Variants in ZMAT4 observed in about 807,000 individuals in gnomAD.
ZMAT4 encodes zinc finger matrin-type protein 4.
ZMAT4 carries 17 observed loss-of-function variants against 28.7 expected under a neutral mutation model. The ratio of observed to expected loss-of-function variants is 0.59; its 90% CI spans 0.41 to 0.89. The LOEUF (loss-of-function observed/expected upper bound fraction) is 0.89, where lower values mean the gene tolerates loss of function less well. Among genes scored for constraint, ZMAT4 ranks in the 40% least tolerant of loss-of-function variants. The pLI is 0.00. For missense variants in ZMAT4, 240 were observed against 283.8 expected, an observed-to-expected ratio of 0.85 and a Z score of 1.11; for synonymous variants, 117 against 109.2, an observed-to-expected ratio of 1.07 and a Z score of -0.44.
At chr8:40,613,859 G>A (rs1261822684) in intron 5 of ZMAT4, among the ~76,000 whole-genome samples, 1 of 152,210 alleles carries the variant, frequency 6.6e-6, no homozygotes, top group Non-Finnish European at 1.5e-5. Context: ...ACTCAAGCTG[G>A]AAGTGTGGGA....
chr8:40,849,617 G>A (rs1817030256), intron 1 of ZMAT4, among the ~76,000 whole-genome samples: 1 of 152,088 alleles, frequency 6.6e-6, no homozygotes, highest in South Asian at 2.1e-4. Context: ...GAAAAGGGTG[G>A]GGAGAGAAGA....
At chr8:40,854,930 C>T (rs1176747136) in intron 1 of ZMAT4, among the ~76,000 whole-genome samples, 1 of 148,862 alleles carries the variant, frequency 6.7e-6, no homozygotes, top group Admixed American at 6.7e-5. Flanking sequence ...TTATTGTTTT[C>T]ACACACACAC....
intron 2 of ZMAT4, among the ~76,000 whole-genome samples, chr8:40,786,194 C>G (rs77367111): frequency 2.0e-5 from 3 of 152,268 alleles, no homozygotes; most frequent in Non-Finnish European, 4.4e-5. Flanking sequence ...TGTGTTGATT[C>G]TAAGTCACAT....
At chr8:40,817,541 G>A (rs1174897767) in intron 2 of ZMAT4, among the ~76,000 whole-genome samples, 1 of 152,218 alleles carries the variant, frequency 6.6e-6, no homozygotes, top group Non-Finnish European at 1.5e-5. Context: ...CAGGATACTA[G>A]CTTTGCTGTG....
rs563613929 is a variant in ZMAT4, at chr8:40,893,627, G to T, written c.-5+4056C>A. On this transcript the variant is annotated intron_variant, in intron 1 of 6. Transcript: ENST00000297737. ...TGCCTCTGCCCAATCCCACTAGCAG[G>T]TGCCTGGAATTTGACTGTGCACATC... 6.6e-5 allele frequency among the ~76,000 whole-genome samples: 10 copies of T among 152,284 alleles called. No individual in the cohort carries two copies. The South Asian group carries it at 1.7e-3, about 25-fold the overall frequency.
At chr8:40,574,373 A>G (rs181767402) in intron 6 of ZMAT4, among the ~76,000 whole-genome samples, 1 of 152,174 alleles carries the variant, frequency 6.6e-6, no homozygotes, top group African/African-American at 2.4e-5. Context: ...GTATCTAATA[A>G]TATACTTTGA....
intron 3 of ZMAT4, among the ~76,000 whole-genome samples, chr8:40,747,243 T>C (rs187240901): frequency 6.6e-6 from 1 of 152,318 alleles, no homozygotes; most frequent in East Asian, 1.9e-4. Context: ...AGCTTTTAAA[T>C]CACATGCTAT....
At chr8:40,560,930 T>C (rs771999315) in intron 6 of ZMAT4, among the ~76,000 whole-genome samples, 3 of 152,148 alleles carry the variant, frequency 2.0e-5, no homozygotes, top group Non-Finnish European at 4.4e-5. Context: ...GGTCTTTATG[T>C]ATGTCTCGCA....
At chr8:40,832,230 C>G (rs1480417352) in intron 1 of ZMAT4, among the ~76,000 whole-genome samples, 1 of 152,180 alleles carries the variant, frequency 6.6e-6, no homozygotes, top group East Asian at 1.9e-4. Context: ...ATGCTGGGGC[C>G]TGAAGAGCCT....
At chr8:40,774,684 A>G (rs113104705) in intron 2 of ZMAT4, among the ~76,000 whole-genome samples, 2 of 8,150 alleles carry the variant, frequency 2.5e-4, no homozygotes. Flanking sequence ...TGACATAGAA[A>G]TATATATATA....
At chr8:40,555,732 T>A (rs908078356) in intron 6 of ZMAT4, among the ~76,000 whole-genome samples, 1 of 152,118 alleles carries the variant, frequency 6.6e-6, no homozygotes, top group African/African-American at 2.4e-5. Context: ...GATTGATCAT[T>A]TACAGCATGA....
intron 1 of ZMAT4, among the ~76,000 whole-genome samples, chr8:40,862,572 A>T (rs1270012453): frequency 9.7e-6 from 1 of 103,510 alleles, no homozygotes; most frequent in African/African-American, 3.7e-5. Flanking sequence ...GAGTATAATA[A>T]AAAAAAAAAA....
intron 5 of ZMAT4, among the ~76,000 whole-genome samples, chr8:40,618,346 C>T (rs1489256998): frequency 2.0e-5 from 3 of 152,180 alleles, no homozygotes; most frequent in Non-Finnish European, 4.4e-5. Flanking sequence ...CATCCCTGCT[C>T]TACAGAACTA....
chr8:40,601,457 G>GAAA (rs1491059228), intron 5 of ZMAT4, among the ~76,000 whole-genome samples: 951 of 40,334 alleles, frequency 0.024, 16 homozygotes, highest in Middle Eastern at 0.049. Flanking sequence ...AGGAAGGAAG[G>GAAA]GAGGAAGAAA....
chr8:40,844,109 C>A (rs1439237349), intron 1 of ZMAT4, among the ~76,000 whole-genome samples: 2 of 152,122 alleles, frequency 1.3e-5, no homozygotes, highest in Non-Finnish European at 2.9e-5. Context: ...GACCTAACCG[C>A]TGAAGAGTGA....
At chr8:40,810,438 G>A (rs1365621487) in intron 2 of ZMAT4, among the ~76,000 whole-genome samples, 8 of 152,088 alleles carry the variant, frequency 5.3e-5, no homozygotes, top group African/African-American at 1.9e-4. Context: ...TGCACATGTG[G>A]GAATTAACAC....
At chr8:40,794,835 G>A (rs1385402561) in intron 2 of ZMAT4, among the ~76,000 whole-genome samples, 1 of 151,838 alleles carries the variant, frequency 6.6e-6, no homozygotes, top group Non-Finnish European at 1.5e-5. Context: ...TTGTGCTTTT[G>A]TGTGGCAATG....
intron 5 of ZMAT4, among the ~76,000 whole-genome samples, chr8:40,621,604 C>T (rs1211490711): frequency 6.6e-6 from 1 of 152,214 alleles, no homozygotes; most frequent in Middle Eastern, 3.2e-3. Context: ...ACAATACTGA[C>T]ATGATTTGAT....
chr8:40,601,652 GA>G (rs1245082080), intron 5 of ZMAT4, among the ~76,000 whole-genome samples: 1 of 28,638 alleles, frequency 3.5e-5, no homozygotes, highest in Admixed American at 2.9e-4. Flanking sequence ...AAGAAAGAAA[GA>G]AAGAAAGAAA....
Sources: allele counts gnomAD v4.1 joint callset (sites outside exome capture counted in the v4.1 genomes callset), GRCh38; gene constraint gnomAD v4.1.1; transcripts MANE v1.5; gene names NCBI Gene and HGNC (gene_info 2026-07-23, HGNC 2026-07-21).